SLC15A4: variants seen among roughly 807,000 people sequenced by gnomAD.
The protein encoded by SLC15A4 is hPHT1.
Under a neutral mutation model 46.1 loss-of-function variants are expected in SLC15A4, and 26 were observed. That is an observed-to-expected ratio of 0.56 (90% confidence interval 0.41 to 0.78). SLC15A4 has a LOEUF of 0.78. SLC15A4 is among the 30% of genes least tolerant of loss of function. SLC15A4 has a pLI of 0.00. For missense variants in SLC15A4, 751 were observed against 755.7 expected, an observed-to-expected ratio of 0.99 and a Z score of 0.07; for synonymous variants, 370 against 333.4, an observed-to-expected ratio of 1.11 and a Z score of -1.20.
Position 128,793,734 on chromosome 12 carries a change from T to C in SLC15A4, c.*462A>G, listed in dbSNP as rs1387920292. On this transcript the variant is annotated 3_prime_UTR_variant, in exon 8 of 8. Coordinates refer to ENST00000266771, the MANE Select transcript of SLC15A4 (RefSeq NM_145648.4). ...TGCAGCATCTGACCATGCTTTTATC[T>C]TTAAAAAAAAAAAAATCCTCACTTT... The C allele has an allele frequency of 2.3e-5, 3 of 131,100 alleles. No individual in the cohort carries two copies. Among genetic ancestry groups the C allele is most frequent in the African/African-American group, 7.8e-5 (3 of 38,494 alleles). The allele number at this position is 131,100 out of a possible 1,614,324, so 8.1% of individuals were successfully genotyped here.
intron 1 of SLC15A4, chr12:128,815,311 A>AGAGTTTTTCCAAGTATGTGGTAAAACTT: frequency 2.4e-6 from 1 of 418,482 alleles, no homozygotes. Flanking sequence ...CAAATGCTAG[A>AGAGTTTTTCCAAGTATGTGGTAAAACTT]GAGTTTTTCC....
chr12:128,799,449 G>C (rs1350067170), intron 6 of SLC15A4, 32 bp from the exon 7 acceptor site: 1 of 1,611,988 alleles, frequency 6.2e-7, no homozygotes, highest in Non-Finnish European at 8.5e-7. Context: ...TCGTTTTTGT[G>C]AAAGGGGCAC....
intron 6 of SLC15A4, among the ~76,000 whole-genome samples, chr12:128,800,503 G>T (rs531471079): frequency 6.6e-6 from 1 of 152,352 alleles, no homozygotes; most frequent in Admixed American, 6.5e-5. Context: ...ACATCTAAAC[G>T]AAGCGCACTG....
rs1955884304 is a variant in SLC15A4 at position 128,823,581 on chromosome 12, C to A, written c.363G>T (p.Pro121=). 3 of 1,445,358 alleles carry A rather than the reference C, an allele frequency of 2.1e-6. No homozygotes were observed. Among genetic ancestry groups the A allele is most frequent in the Non-Finnish European group, 9.0e-7 (1 of 1,106,766 alleles). 89.5% of individuals were successfully genotyped at this position (1,445,358 alleles called of 1,614,324 possible). The change falls in exon 1 of 8, where the codon CCG becomes CCT. Residue 121 remains proline (P), a synonymous_variant. Coordinates refer to ENST00000266771, the MANE Select transcript of SLC15A4 (RefSeq NM_145648.4). ...CTCGCGTGGCGGGCGCGGCCAGCAG[C>A]GGGAAGGCCAGCATGCCCAGCAGGT... The part of the protein sequence containing the change: ...ALYLLGMLAF[P]LLAAPATRAA...
At chr12:128,818,051 T>C (rs1402948888) in intron 1 of SLC15A4, among the ~76,000 whole-genome samples, 2 of 151,654 alleles carry the variant, frequency 1.3e-5, no homozygotes, top group African/African-American at 4.8e-5. Flanking sequence ...AAGAATTCCT[T>C]AAAATGGGGT....
intron 5 of SLC15A4, among the ~76,000 whole-genome samples, chr12:128,804,470 G>T (rs1025368734): frequency 6.6e-6 from 1 of 152,190 alleles, no homozygotes. Context: ...AGTGGCTCAC[G>T]CCTGTAATCC....
At chr12:128,811,232 T>A (rs1167696912) in intron 2 of SLC15A4, among the ~76,000 whole-genome samples, 3 of 152,184 alleles carry the variant, frequency 2.0e-5, no homozygotes, top group South Asian at 2.1e-4. Flanking sequence ...TAATTCCCAA[T>A]AAGATTGTGT....
intron 7 of SLC15A4, among the ~76,000 whole-genome samples, chr12:128,798,465 G>A (rs1224769128): frequency 1.3e-5 from 2 of 152,202 alleles, no homozygotes; most frequent in Non-Finnish European, 2.9e-5. Flanking sequence ...AGGGCTCTGG[G>A]AATTCTGCAA....
chr12:128,802,942 G>A (rs1040838574), intron 5 of SLC15A4, among the ~76,000 whole-genome samples: 11 of 152,284 alleles, frequency 7.2e-5, no homozygotes, highest in Middle Eastern at 6.8e-3. Context: ...AGTCACGAGC[G>A]AGGCGGAGAG....
chr12:128,804,078 T>C (rs758857100), intron 5 of SLC15A4, among the ~76,000 whole-genome samples: 12 of 152,164 alleles, frequency 7.9e-5, no homozygotes, highest in Admixed American at 7.2e-4. Flanking sequence ...GTTGGTAGTA[T>C]TACAATACAT....
At chr12:128,814,374 T>A in intron 2 of SLC15A4, 1 of 191,900 alleles carries the variant, frequency 5.2e-6, no homozygotes, top group South Asian at 9.3e-5. Context: ...ACTGACAGCA[T>A]AAGCAACTGC....
chr12:128,797,994 C>T (rs1489835109), intron 7 of SLC15A4, among the ~76,000 whole-genome samples: 2 of 152,192 alleles, frequency 1.3e-5, no homozygotes, highest in Non-Finnish European at 2.9e-5. Flanking sequence ...CACACACGCC[C>T]TGAGAGCACC....
At chr12:128,809,844 A>G (rs755952447) in intron 3 of SLC15A4, 99 bp downstream of exon 3, 58 of 1,254,648 alleles carry the variant, frequency 4.6e-5, no homozygotes, top group Non-Finnish European at 6.2e-5. Context: ...GGGAAAAAAA[A>G]TCACCTAGTC....
rs202014498 is a variant in SLC15A4 at position 128,808,803 on chromosome 12, A to C, written c.1243T>G (p.Ser415Ala). ...TGCCTCTTACCTGCAGCAAAGGCCGAGCACATGACAAAGAACATGCCCACG... is the reference window on the plus strand; with the variant it reads ...TGCCTCTTACCTGCAGCAAAGGCCGCGCACATGACAAAGAACATGCCCACG... The part of the protein sequence containing the change: ...IAVGMFFVMC[S>A]AFAAGILESK... Residue 415 changes from serine to alanine, a missense_variant, in exon 5 of 8, where the codon TCG becomes GCG. Transcript: ENST00000266771. 1 of 1,614,178 alleles carries C rather than the reference A, an allele frequency of 6.2e-7. No homozygotes were observed. Among genetic ancestry groups the C allele is most frequent in the Non-Finnish European group, 8.5e-7 (1 of 1,180,038 alleles).
intron 5 of SLC15A4, among the ~76,000 whole-genome samples, chr12:128,805,656 C>T (rs978542791): frequency 2.0e-5 from 3 of 152,084 alleles, no homozygotes; most frequent in African/African-American, 4.8e-5. Context: ...TCTCAGCCTC[C>T]GAGTAGCTGG....
At chr12:128,815,832 T>C (rs754698863) in intron 1 of SLC15A4, 1 of 152,224 alleles carries the variant, frequency 6.6e-6, no homozygotes, top group Non-Finnish European at 1.5e-5. Flanking sequence ...GAACCAATGT[T>C]ATAAAGCTCC....
At chr12:128,814,736 G>A in intron 2 of SLC15A4, 39 bp downstream of exon 2, 1 of 1,597,506 alleles carries the variant, frequency 6.3e-7, no homozygotes, top group Non-Finnish European at 8.6e-7. Context: ...GATCGATAAA[G>A]TCCTTTCAAA....
At chr12:128,800,724 C>T in intron 6 of SLC15A4, 130 bp downstream of exon 6, 3 of 935,810 alleles carry the variant, frequency 3.2e-6, no homozygotes, top group South Asian at 1.9e-5. Context: ...TATTCTAAAC[C>T]ACACACTGCC....
intron 4 of SLC15A4, 48 bp from the exon 5 acceptor site, chr12:128,809,004 A>T: frequency 3.8e-6 from 6 of 1,567,488 alleles, no homozygotes; most frequent in Non-Finnish European, 5.2e-6. Context: ...AATACAGGCC[A>T]TCACCTGTCT....
Sources: allele counts gnomAD v4.1 joint callset (sites outside exome capture counted in the v4.1 genomes callset), GRCh38; gene constraint gnomAD v4.1.1; transcripts MANE v1.5; gene names NCBI Gene and HGNC (gene_info 2026-07-23, HGNC 2026-07-21).